TAFA4: variants seen among roughly 807,000 people sequenced by gnomAD.
The protein encoded by TAFA4 is chemokine-like protein TAFA-4.
Under a neutral mutation model 21.1 loss-of-function variants are expected in TAFA4, and 20 were observed. That is an observed-to-expected ratio of 0.95 (90% confidence interval 0.67 to 1.38). TAFA4 has a LOEUF of 1.38. Ranked by LOEUF, TAFA4 falls within the 40% of genes most tolerant of loss-of-function variation. The pLI is 0.00. For synonymous variants in TAFA4, 71 were observed against 67.4 expected, an observed-to-expected ratio of 1.05 and a Z score of -0.26; for missense variants, 211 against 180.9, an observed-to-expected ratio of 1.17 and a Z score of -0.95.
At chr3:68,927,040 C>T (rs574789981) in intron 1 of TAFA4, among the ~76,000 whole-genome samples, 1 of 152,326 alleles carries the variant, frequency 6.6e-6, no homozygotes, top group African/African-American at 2.4e-5. Context: ...CATCCTGCCC[C>T]AAATTGTAAC....
intron 1 of TAFA4, among the ~76,000 whole-genome samples, chr3:68,931,094 T>G (rs1294481448): frequency 6.6e-6 from 1 of 152,130 alleles, no homozygotes; most frequent in Non-Finnish European, 1.5e-5. Context: ...CTACGAGTTA[T>G]GGTGGACAAG....
chr3:68,802,830 G>A (rs1374140501), intron 3 of TAFA4, among the ~76,000 whole-genome samples: 2 of 152,158 alleles, frequency 1.3e-5, no homozygotes, highest in African/African-American at 4.8e-5. Flanking sequence ...TAGCAACCCT[G>A]TTTTTTAAAG....
intron 3 of TAFA4, among the ~76,000 whole-genome samples, chr3:68,838,727 C>T (rs1012481830): frequency 6.6e-6 from 1 of 152,000 alleles, no homozygotes; most frequent in African/African-American, 2.4e-5. Flanking sequence ...TACCATAGGC[C>T]AGATTAAGCC....
At chr3:68,745,040 A>C (rs1702430957) in intron 4 of TAFA4, among the ~76,000 whole-genome samples, 1 of 152,226 alleles carries the variant, frequency 6.6e-6, no homozygotes, top group African/African-American at 2.4e-5. Context: ...CTTTATGGCA[A>C]GTGCTCTCTC....
chr3:68,824,043 A>T (rs551550634), intron 3 of TAFA4, among the ~76,000 whole-genome samples: 1 of 152,308 alleles, frequency 6.6e-6, no homozygotes, highest in African/African-American at 2.4e-5. Flanking sequence ...CAGAGAAAGA[A>T]CCCCAGTGGT....
intron 1 of TAFA4, among the ~76,000 whole-genome samples, chr3:68,925,212 CGT>C (rs1409403350): frequency 6.6e-6 from 1 of 150,960 alleles, no homozygotes; most frequent in Non-Finnish European, 1.5e-5. Flanking sequence ...TCTGTGTGTG[CGT>C]GTGTGTGAGT....
intron 3 of TAFA4, among the ~76,000 whole-genome samples, chr3:68,785,986 A>G (rs1475820357): frequency 6.6e-6 from 1 of 152,224 alleles, no homozygotes; most frequent in African/African-American, 2.4e-5. Context: ...CTCTTTCACA[A>G]TACCAACAAC....
In TAFA4 at chr3:68,768,438, G is replaced by T. The variant is rs531958007; in HGVS notation, c.131-15420C>A. Among the ~76,000 whole-genome samples, 12 of 152,160 alleles carry T rather than the reference G, an allele frequency of 7.9e-5. No individual in the cohort carries two copies. In the East Asian group the frequency reaches 1.5e-3, roughly 20 times the overall value. On this transcript the variant is annotated intron_variant, in intron 3 of 5. Transcript: ENST00000295569. Reference sequence around the variant, plus strand: ...CAGTTAGAATGCCTATTATCAAAAAGACAAAAAATAACAAATGCATGGATG... The same window carrying T: ...CAGTTAGAATGCCTATTATCAAAAATACAAAAAATAACAAATGCATGGATG...
chr3:68,759,354 G>A (rs765723823), intron 3 of TAFA4, among the ~76,000 whole-genome samples: 1 of 152,210 alleles, frequency 6.6e-6, no homozygotes, highest in Non-Finnish European at 1.5e-5. Context: ...TCATGGCCCA[G>A]TCAAGATAAC....
intron 3 of TAFA4, among the ~76,000 whole-genome samples, chr3:68,846,974 C>A (rs906002250): frequency 6.6e-6 from 1 of 152,110 alleles, no homozygotes; most frequent in South Asian, 2.1e-4. Flanking sequence ...GAGGTGTCTC[C>A]CAGTCAGGAG....
chr3:68,805,123 C>A (rs1162774892), intron 3 of TAFA4, among the ~76,000 whole-genome samples: 1 of 152,036 alleles, frequency 6.6e-6, no homozygotes, highest in African/African-American at 2.4e-5. Flanking sequence ...AACAAACAAC[C>A]CCATCAAAAA....
At chr3:68,791,316 C>G in intron 3 of TAFA4, among the ~76,000 whole-genome samples, 1 of 152,166 alleles carries the variant, frequency 6.6e-6, no homozygotes. Context: ...AGGAAAATGT[C>G]ATGTGAAGAC....
intron 3 of TAFA4, among the ~76,000 whole-genome samples, chr3:68,852,284 T>C (rs954370066): frequency 2.0e-5 from 3 of 151,784 alleles, no homozygotes; most frequent in Non-Finnish European, 2.9e-5. Context: ...AATTAATGAG[T>C]TTGGAGGATA....
chr3:68,890,393 T>C (rs1482072294), intron 1 of TAFA4, among the ~76,000 whole-genome samples: 2 of 152,150 alleles, frequency 1.3e-5, no homozygotes, highest in Admixed American at 6.6e-5. Flanking sequence ...TATACTAAAA[T>C]GATTGAGAGC....
intron 3 of TAFA4, among the ~76,000 whole-genome samples, chr3:68,871,723 G>T (rs1389045380): frequency 6.6e-6 from 1 of 151,964 alleles, no homozygotes; most frequent in East Asian, 1.9e-4. Flanking sequence ...AAACCATCCA[G>T]TTTTAAAATG....
chr3:68,819,239 C>T (rs1023013294), intron 3 of TAFA4, among the ~76,000 whole-genome samples: 2 of 149,308 alleles, frequency 1.3e-5, no homozygotes, highest in East Asian at 2.0e-4. Flanking sequence ...TACTGCACAC[C>T]TGCCTGGGTG....
intron 1 of TAFA4, among the ~76,000 whole-genome samples, chr3:68,911,355 A>G (rs1302298566): frequency 6.6e-6 from 1 of 152,258 alleles, no homozygotes; most frequent in African/African-American, 2.4e-5. Context: ...GTTCTTTTCC[A>G]AGAGATTTAC....
At chr3:68,762,547 G>A (rs183074037) in intron 3 of TAFA4, among the ~76,000 whole-genome samples, 11 of 152,216 alleles carry the variant, frequency 7.2e-5, no homozygotes, top group Admixed American at 1.3e-4. Context: ...TGATACAGCC[G>A]ATGGTCTATT....
chr3:68,774,611 G>GTT (rs1703018139), intron 3 of TAFA4, among the ~76,000 whole-genome samples: 1 of 152,106 alleles, frequency 6.6e-6, no homozygotes, highest in Non-Finnish European at 1.5e-5. Context: ...AAATGGTATT[G>GTT]GGTCAACTAG....
Sources: allele counts gnomAD v4.1 joint callset (sites outside exome capture counted in the v4.1 genomes callset), GRCh38; gene constraint gnomAD v4.1.1; transcripts MANE v1.5; gene names NCBI Gene and HGNC (gene_info 2026-07-23, HGNC 2026-07-21).